The following ICA1 variants were observed in gnomAD, a reference collection of about 807,000 sequenced individuals.
ICA1 encodes the protein islet cell autoantigen 1, also known as 69 kDa islet cell autoantigen.
In ICA1, 40 loss-of-function variants were observed where a neutral mutation model predicts 71.0. That is an observed-to-expected ratio of 0.56 (90% CI 0.44 to 0.73). The LOEUF (loss-of-function observed/expected upper bound fraction) is 0.73. Ranked by LOEUF, ICA1 falls within the 30% of genes least tolerant of loss-of-function variation. The pLI is 0.00. For missense variants in ICA1, 578 were observed against 576.5 expected, an observed-to-expected ratio of 1.00 and a Z score of -0.03; for synonymous variants, 207 against 209.5, an observed-to-expected ratio of 0.99 and a Z score of 0.10.
At position 8,157,521 on chromosome 7, in the gene ICA1, G is replaced by A. The variant is rs1279627322; in HGVS notation, c.706-307C>T. On this transcript the variant is annotated intron_variant, in intron 7 of 13. Transcript: ENST00000402384. ...CAGGGTAAATAATTAACGCTCTACT[G>A]TTGCAATCCCTCAGCTGATTCTATT... 9.2e-6 allele frequency: 3 copies of A among 325,872 alleles called. No individual in the cohort carries two copies. The East Asian group carries it at 1.7e-4, about 19-fold the overall frequency. 20.2% of individuals were successfully genotyped at this position (325,872 alleles called of 1,614,324 possible). A position where few individuals can be genotyped will look rare whatever the true frequency, so the allele number is the denominator to read the frequency against.
intron 6 of ICA1, among the ~76,000 whole-genome samples, chr7:8,164,245 A>G (rs941686235): frequency 2.1e-5 from 3 of 142,418 alleles, no homozygotes; most frequent in African/African-American, 7.8e-5. Context: ...CAGAGGTAGC[A>G]GTGAACTGAG....
At chr7:8,138,324 A>G (rs1794096140) in intron 12 of ICA1, among the ~76,000 whole-genome samples, 1 of 152,310 alleles carries the variant, frequency 6.6e-6, no homozygotes, top group Non-Finnish European at 1.5e-5. Flanking sequence ...CCCACAAAAC[A>G]TTACTAGTCC....
chr7:8,150,141 A>G (rs1221496749), intron 8 of ICA1, among the ~76,000 whole-genome samples: 1 of 152,234 alleles, frequency 6.6e-6, no homozygotes, highest in African/African-American at 2.4e-5. Flanking sequence ...ACAAGGCACC[A>G]TACTGTCCTG....
rs1796113689 is a variant in ICA1, at chr7:8,144,037, A to T, written c.805-65T>A. 1 of 931,924 alleles carries T rather than the reference A, an allele frequency of 1.1e-6. No individual in the cohort carries two copies. Among genetic ancestry groups the T allele is most frequent in the Non-Finnish European group, 1.6e-6 (1 of 609,100 alleles). 57.7% of individuals were successfully genotyped at this position (931,924 alleles called of 1,614,324 possible). A position where few individuals can be genotyped will look rare whatever the true frequency, so the allele number is the denominator to read the frequency against. On this transcript the variant is annotated intron_variant, in intron 8 of 13. Coordinates refer to ENST00000402384, the MANE Select transcript of ICA1 (RefSeq NM_001136020.3). The surrounding 1 kb of genome is among the most constrained non-coding windows in gnomAD (Gnocchi z 4.5). Reference sequence around the variant, plus strand: ...AGAAGAAGAAATAGAGACAAAAAAAAGAAAAGAAAGGTTATCAATTAAAAA... The same window carrying T: ...AGAAGAAGAAATAGAGACAAAAAAATGAAAAGAAAGGTTATCAATTAAAAA...
intron 6 of ICA1, among the ~76,000 whole-genome samples, chr7:8,175,290 T>C (rs1780233500): frequency 6.6e-6 from 1 of 152,176 alleles, no homozygotes; most frequent in East Asian, 1.9e-4. Context: ...TTTAATGCTG[T>C]GGCTAAGACG....
At chr7:8,218,908 G>A (rs1014136029) in intron 5 of ICA1, 14 of 280,518 alleles carry the variant, frequency 5.0e-5, no homozygotes, top group African/African-American at 2.0e-4. Context: ...GCATCTCTCC[G>A]ACTAGGCCAT....
intron 6 of ICA1, among the ~76,000 whole-genome samples, chr7:8,172,982 T>C (rs796778268): frequency 1.1e-4 from 16 of 152,312 alleles, no homozygotes; most frequent in African/African-American, 3.8e-4. Flanking sequence ...TCATTTCCAG[T>C]TTAAATATCA....
rs548394975 is a variant in ICA1, at chr7:8,193,377, T to TCCG, written c.579+24925_579+24927dup. Among the ~76,000 whole-genome samples, 45 of 152,312 alleles carry TCCG rather than the reference T, an allele frequency of 3.0e-4. No individual in the cohort carries two copies. The East Asian group carries it at 8.7e-3, about 29-fold the overall frequency. ...CTCATCCTTTTACCACAACTGTAGC[T>TCCG]CCGTTCTCCTAAAGTGCAAAACCTG... is the stretch of plus-strand genomic sequence containing the variant. On this transcript the variant is annotated intron_variant, in intron 6 of 13. Transcript: ENST00000402384.
intron 6 of ICA1, among the ~76,000 whole-genome samples, chr7:8,174,139 GCA>G (rs1462144257): frequency 6.6e-6 from 1 of 152,048 alleles, no homozygotes; most frequent in Non-Finnish European, 1.5e-5. Flanking sequence ...AGAAGAGTGA[GCA>G]CAAAGGCCCT....
intron 6 of ICA1, among the ~76,000 whole-genome samples, chr7:8,172,919 C>T (rs770406961): frequency 6.6e-6 from 1 of 152,188 alleles, no homozygotes; most frequent in Non-Finnish European, 1.5e-5. Flanking sequence ...ATAACTAGCA[C>T]ACATTTGCTC....
intron 6 of ICA1, among the ~76,000 whole-genome samples, chr7:8,206,901 T>C (rs902916422): frequency 6.6e-5 from 10 of 152,216 alleles, no homozygotes; most frequent in Non-Finnish European, 1.3e-4. Flanking sequence ...TGTGGATATT[T>C]TCCAAGTCCG....
chr7:8,197,325 C>T (rs956174199), intron 6 of ICA1, among the ~76,000 whole-genome samples: 7 of 151,362 alleles, frequency 4.6e-5, no homozygotes, highest in Non-Finnish European at 2.9e-5. Context: ...GAGGCCGAAG[C>T]GGGCGGATCA....
At chr7:8,152,710 T>TCTCCTC (rs2128170228) in intron 8 of ICA1, among the ~76,000 whole-genome samples, 1 of 51,838 alleles carries the variant, frequency 1.9e-5, no homozygotes, top group Non-Finnish European at 4.1e-5. Flanking sequence ...ACTACCACCA[T>TCTCCTC]CACCTCCTCC....
chr7:8,243,053 T>C (rs371433151), intron 1 of ICA1, among the ~76,000 whole-genome samples: 1 of 151,808 alleles, frequency 6.6e-6, no homozygotes, highest in Non-Finnish European at 1.5e-5. Context: ...GGAATCCTCC[T>C]TAACTCATTT....
intron 6 of ICA1, among the ~76,000 whole-genome samples, chr7:8,199,732 A>G (rs188466550): frequency 4.6e-5 from 7 of 152,274 alleles, no homozygotes; most frequent in Admixed American, 1.3e-4. Flanking sequence ...ACAAAAAACA[A>G]AAGAATGAAT....
intron 6 of ICA1, among the ~76,000 whole-genome samples, chr7:8,165,495 T>G (rs1805585755): frequency 6.6e-6 from 1 of 152,116 alleles, no homozygotes; most frequent in Non-Finnish European, 1.5e-5. Context: ...AGTACTCCTA[T>G]TCAACATAAT....
intron 1 of ICA1, among the ~76,000 whole-genome samples, chr7:8,256,966 G>A (rs927939116): frequency 6.6e-6 from 1 of 152,226 alleles, no homozygotes; most frequent in Non-Finnish European, 1.5e-5. Context: ...TTAGAAGGAC[G>A]AAGTAATTTA....
intron 13 of ICA1, among the ~76,000 whole-genome samples, chr7:8,119,547 C>T (rs2128009758): frequency 6.6e-6 from 1 of 152,310 alleles, no homozygotes; most frequent in South Asian, 2.1e-4. Flanking sequence ...TCAAGTCATA[C>T]TTTAAAAGAA....
rs1018552762 is a variant in ICA1 at position 8,113,846 on chromosome 7, G to A, written c.*77C>T. ...CACATAATTATTAAAACAGCATACT[G>A]ATCACTTTATACTTCTGCTAGCCCC... On this transcript the variant is annotated 3_prime_UTR_variant, in exon 14 of 14. Coordinates refer to ENST00000402384, the MANE Select transcript of ICA1 (RefSeq NM_001136020.3). This position sits in a 1 kb window ranked among gnomAD's most constrained non-coding sequence, Gnocchi z 4.2. 1 of 1,480,544 alleles carries A rather than the reference G, an allele frequency of 6.8e-7. No homozygotes were observed. The allele number at this position is 1,480,544 out of a possible 1,614,324, so 91.7% of individuals were successfully genotyped here.
Sources: allele counts gnomAD v4.1 joint callset (sites outside exome capture counted in the v4.1 genomes callset), GRCh38; gene constraint gnomAD v4.1.1; non-coding constraint Gnocchi (gnomAD v3.1); transcripts MANE v1.5; gene names NCBI Gene and HGNC (gene_info 2026-07-23, HGNC 2026-07-21).